IGSF11: variants seen among roughly 807,000 people sequenced by gnomAD.
The protein encoded by IGSF11 is CXADR like 1.
IGSF11 carries 22 observed loss-of-function variants against 41.0 expected under a neutral mutation model. The observed-to-expected ratio is 0.54, with a 90% CI of 0.38 to 0.77. The LOEUF is 0.77. Ranked by LOEUF, IGSF11 falls within the 30% of genes least tolerant of loss-of-function variation. The pLI, the probability that IGSF11 is intolerant of heterozygous loss-of-function variation, is 0.00. For missense variants in IGSF11, 444 were observed against 530.8 expected, an observed-to-expected ratio of 0.84 and a Z score of 1.61; for synonymous variants, 219 against 201.3, an observed-to-expected ratio of 1.09 and a Z score of -0.74.
chr3:119,077,269 G>C (rs1277706526), intron 1 of IGSF11, among the ~76,000 whole-genome samples: 3 of 151,990 alleles, frequency 2.0e-5, no homozygotes, highest in African/African-American at 7.3e-5. Flanking sequence ...GGCCTGTTGT[G>C]GGGTGGGGGA....
intron 1 of IGSF11, among the ~76,000 whole-genome samples, chr3:119,135,381 C>T (rs532916174): frequency 1.3e-5 from 2 of 152,240 alleles, no homozygotes; most frequent in Admixed American, 1.3e-4. Context: ...AAACAAACAA[C>T]CCCATCAAAA....
At chr3:119,062,062 A>G (rs1942070388) in intron 1 of IGSF11, among the ~76,000 whole-genome samples, 1 of 152,150 alleles carries the variant, frequency 6.6e-6, no homozygotes, top group African/African-American at 2.4e-5. Flanking sequence ...CCTACTTCAC[A>G]GGTTATTAGA....
chr3:119,084,749 T>C (rs2076642882), intron 1 of IGSF11, among the ~76,000 whole-genome samples: 1 of 152,218 alleles, frequency 6.6e-6, no homozygotes, highest in African/African-American at 2.4e-5. Context: ...TCTGAGTGCA[T>C]TCTGGCAGTT....
At chr3:118,974,868 TCAAAACA>T (rs1159268816) in intron 1 of IGSF11, among the ~76,000 whole-genome samples, 1 of 151,896 alleles carries the variant, frequency 6.6e-6, no homozygotes, top group African/African-American at 2.4e-5. Context: ...AATATATTTG[TCAAAACA>T]CCTAGTTACC....
chr3:118,924,195 T>C (rs1273101555), intron 4 of IGSF11, among the ~76,000 whole-genome samples: 2 of 152,146 alleles, frequency 1.3e-5, no homozygotes, highest in South Asian at 2.1e-4. Flanking sequence ...GTCCTAGATT[T>C]GGCCAGAGCG....
At chr3:119,047,218 C>T (rs544458959) in intron 1 of IGSF11, among the ~76,000 whole-genome samples, 47 of 151,678 alleles carry the variant, frequency 3.1e-4, no homozygotes, top group Admixed American at 9.2e-4. Flanking sequence ...GATAAAGAGT[C>T]AAGACCCATC....
At chr3:119,096,019 C>T (rs920375057) in intron 1 of IGSF11, among the ~76,000 whole-genome samples, 1 of 152,070 alleles carries the variant, frequency 6.6e-6, no homozygotes, top group Non-Finnish European at 1.5e-5. Context: ...TTCAAGTATA[C>T]TTAGAATTCC....
chr3:119,055,741 T>C (rs561930007), intron 1 of IGSF11, among the ~76,000 whole-genome samples: 1 of 152,208 alleles, frequency 6.6e-6, no homozygotes, highest in South Asian at 2.1e-4. Flanking sequence ...CCTCAGCAAA[T>C]GTAAAAGAAC....
intron 1 of IGSF11, among the ~76,000 whole-genome samples, chr3:119,011,929 G>C (rs1212492167): frequency 1.3e-5 from 2 of 151,310 alleles, no homozygotes; most frequent in African/African-American, 4.9e-5. Flanking sequence ...ACAATCAACA[G>C]ATGCTATATA....
intron 1 of IGSF11, among the ~76,000 whole-genome samples, chr3:119,133,308 G>C (rs562878866): frequency 1.3e-5 from 2 of 152,168 alleles, no homozygotes; most frequent in South Asian, 2.1e-4. Flanking sequence ...CAACAAAATT[G>C]ATAGAACGCT....
chr3:118,928,645 G>A lies in IGSF11; in HGVS notation c.288C>T (p.Gly96=), dbSNP rs1283309728. 2 of 1,613,916 alleles carry A rather than the reference G, an allele frequency of 1.2e-6. No homozygotes were observed. The highest frequency in any genetic ancestry group is 2.7e-5 in the African/African-American group (2 of 74,876). ...PRFHGRVGFT[G]TMPATNVSIF... is the part of the protein sequence containing the mutation. Reference sequence around the variant, plus strand: ...TAGAGACATTGGTAGCTGGCATGGTGCCTGTAAATCCTACCCTACCGTGGA... The same window carrying A: ...TAGAGACATTGGTAGCTGGCATGGTACCTGTAAATCCTACCCTACCGTGGA... The change falls in exon 3 of 7, where the codon GGC becomes GGT. Residue 96 remains glycine (G), a synonymous_variant. Transcript: ENST00000393775.
At chr3:118,971,238 A>G (rs1407793991) in intron 1 of IGSF11, among the ~76,000 whole-genome samples, 1 of 152,192 alleles carries the variant, frequency 6.6e-6, no homozygotes, top group African/African-American at 2.4e-5. Context: ...TACATACTAC[A>G]TTATTAGGTC....
chr3:119,130,624 G>A (rs1268439636), intron 1 of IGSF11, among the ~76,000 whole-genome samples: 3 of 152,232 alleles, frequency 2.0e-5, no homozygotes, highest in African/African-American at 4.8e-5. Flanking sequence ...ACCTCTGTGG[G>A]CAGGGCATAA....
intron 1 of IGSF11, among the ~76,000 whole-genome samples, chr3:119,120,964 T>C (rs1312033564): frequency 1.3e-5 from 2 of 152,200 alleles, no homozygotes; most frequent in Non-Finnish European, 2.9e-5. Flanking sequence ...CTAAAACTAG[T>C]ATCTTAATAA....
chr3:119,073,234 C>T (rs1313485482), intron 1 of IGSF11, among the ~76,000 whole-genome samples: 2 of 152,188 alleles, frequency 1.3e-5, no homozygotes, highest in African/African-American at 4.8e-5. Context: ...ATTCACAAAC[C>T]TTGAGCTAGA....
chr3:118,913,280 G>A (rs1940587194), intron 4 of IGSF11, among the ~76,000 whole-genome samples: 1 of 152,106 alleles, frequency 6.6e-6, no homozygotes, highest in Non-Finnish European at 1.5e-5. Flanking sequence ...TAAGGACAGA[G>A]ATTTTTCCAG....
At chr3:119,011,324 T>G (rs551227836) in intron 1 of IGSF11, among the ~76,000 whole-genome samples, 56 of 151,870 alleles carry the variant, frequency 3.7e-4, no homozygotes, top group African/African-American at 1.4e-3. Context: ...AGCCCCCGGA[T>G]AGTGAGGGAA....
intron 1 of IGSF11, among the ~76,000 whole-genome samples, chr3:119,077,218 C>T (rs541835969): frequency 6.6e-6 from 1 of 151,120 alleles, no homozygotes; most frequent in Non-Finnish European, 1.5e-5. Flanking sequence ...AATTGAACAA[C>T]GAGAACACTT....
chr3:119,083,206 C>T (rs1010748906), intron 1 of IGSF11, among the ~76,000 whole-genome samples: 2 of 146,734 alleles, frequency 1.4e-5, no homozygotes, highest in African/African-American at 5.2e-5. Flanking sequence ...GATCTTGCTG[C>T]GGCCTCGACT....
Sources: allele counts gnomAD v4.1 joint callset (sites outside exome capture counted in the v4.1 genomes callset), GRCh38; gene constraint gnomAD v4.1.1; transcripts MANE v1.5; gene names NCBI Gene and HGNC (gene_info 2026-07-23, HGNC 2026-07-21).